Variants in MZT2B observed in about 807,000 individuals in gnomAD.
MZT2B encodes the protein mitotic spindle organizing protein 2B.
Under a neutral mutation model 12.1 loss-of-function variants are expected in MZT2B, and 11 were observed. That is an observed-to-expected ratio of 0.91 (90% CI 0.57 to 1.50). MZT2B has a LOEUF of 1.50. Ranked by LOEUF, MZT2B falls within the 40% of genes most tolerant of loss-of-function variation. The probability of loss-of-function intolerance (pLI) is 0.00; values close to 1 mark genes in which losing one functional copy is unlikely to be tolerated. For synonymous variants in MZT2B, 85 were observed against 109.5 expected, an observed-to-expected ratio of 0.78 and a Z score of 1.40; for missense variants, 209 against 227.7, an observed-to-expected ratio of 0.92 and a Z score of 0.53.
chr2:130,191,004 C>G (rs184787010), downstream of MZT2B, among the ~76,000 whole-genome samples: 14 of 152,244 alleles, frequency 9.2e-5, no homozygotes, highest in Non-Finnish European at 2.1e-4. Flanking sequence ...AGCTGGAGTG[C>G]AGTGGTGCGA....
Position 130,182,311 on chromosome 2 carries a change from C to G in MZT2B, c.29C>G (p.Pro10Arg). Residue 10 changes from proline to arginine, a missense_variant, in exon 1 of 3, where the codon CCG becomes CGG. Coordinates refer to ENST00000281871, the MANE Select transcript of MZT2B (RefSeq NM_025029.5). ...GCGGCGCAGGGCGTAGGGCCTGGGC[C>G]GGGGTCGGCGGCGCCCCCGGGGCTG... MAAQGVGPGPGSAAPPGLEA... is the reference protein window; with the variant it reads MAAQGVGPGRGSAAPPGLEA... The G allele has an allele frequency of 6.6e-7, 1 of 1,511,294 alleles. No individual in the cohort carries two copies. Among genetic ancestry groups the G allele is most frequent in the Non-Finnish European group, 8.8e-7 (1 of 1,136,546 alleles). 93.6% of individuals were successfully genotyped at this position (1,511,294 alleles called of 1,614,324 possible). A position where few individuals can be genotyped will look rare whatever the true frequency, so the allele number is the denominator to read the frequency against.
At chr2:130,186,087 C>G (rs112709881) in intron 2 of MZT2B, among the ~76,000 whole-genome samples, 1 of 151,970 alleles carries the variant, frequency 6.6e-6, no homozygotes, top group Non-Finnish European at 1.5e-5. Flanking sequence ...AGCATCTGAC[C>G]ACACAGAGCT....
At chr2:130,196,500 C>G in the MZT2B span, 3 of 1,324,616 alleles carry the variant, frequency 2.3e-6, no homozygotes, top group African/African-American at 3.0e-5. Context: ...TCGATATTTC[C>G]TAGGAGGGTT....
intron 2 of MZT2B, chr2:130,183,791 C>T: frequency 2.6e-6 from 4 of 1,550,684 alleles, no homozygotes; most frequent in Non-Finnish European, 3.5e-6. Context: ...CTCCAGAGGC[C>T]TCCTTTCTCT....
At chr2:130,185,287 G>A (rs575291216) in intron 2 of MZT2B, among the ~76,000 whole-genome samples, 1 of 149,750 alleles carries the variant, frequency 6.7e-6, no homozygotes, top group African/African-American at 2.5e-5. Flanking sequence ...CTCCAGCCTG[G>A]GGGACAGAGC....
At chr2:130,181,664 C>T (rs963716158), upstream of MZT2B, 5 of 1,550,654 alleles carry the variant, frequency 3.2e-6, no homozygotes, top group Non-Finnish European at 4.4e-6. Context: ...CTCTTTGGGC[C>T]GTTACCTCAA....
chr2:130,184,238 C>T (rs1689959462), intron 2 of MZT2B: 2 of 1,390,892 alleles, frequency 1.4e-6, no homozygotes, highest in African/African-American at 1.5e-5. Flanking sequence ...TGTAAAGAGC[C>T]CCTCTCCAAG....
intron 2 of MZT2B, among the ~76,000 whole-genome samples, chr2:130,186,146 G>T (rs1351252034): frequency 6.6e-6 from 1 of 151,916 alleles, no homozygotes. Flanking sequence ...CATAAGGGGG[G>T]TTGTTGGAGT....
the MZT2B span, chr2:130,196,064 G>A: frequency 3.1e-6 from 4 of 1,309,032 alleles, no homozygotes; most frequent in Non-Finnish European, 4.2e-6. Context: ...CTTTCAGCAG[G>A]AGGATTCAAA....
intron 2 of MZT2B, chr2:130,184,303 G>A (rs1317773507): frequency 7.1e-6 from 7 of 985,342 alleles, no homozygotes; most frequent in Non-Finnish European, 7.2e-6. Flanking sequence ...AGCCCCAGGC[G>A]TGACAAACAC....
downstream of MZT2B, among the ~76,000 whole-genome samples, chr2:130,193,512 G>C (rs1271779534): frequency 6.6e-6 from 1 of 151,000 alleles, no homozygotes; most frequent in Non-Finnish European, 1.5e-5. Flanking sequence ...GGGAGGGTGA[G>C]GCCAGAGAAT....
intron 2 of MZT2B, chr2:130,184,166 G>A: frequency 6.9e-7 from 1 of 1,456,550 alleles, no homozygotes. Flanking sequence ...AGACCCCACA[G>A]TCGGGCTGGC....
chr2:130,183,530 C>G (rs575051559), intron 2 of MZT2B: 2 of 611,254 alleles, frequency 3.3e-6, no homozygotes, highest in Non-Finnish European at 5.9e-6. Context: ...CTTCTGCTCC[C>G]GATGGCTCTC....
intron 2 of MZT2B, 22 bp from the exon 3 acceptor site, chr2:130,190,446 CA>C: frequency 6.2e-7 from 1 of 1,611,570 alleles, no homozygotes; most frequent in Non-Finnish European, 8.5e-7. Flanking sequence ...CATTCCTAAT[CA>C]TTGTGCTTTG....
intron 2 of MZT2B, chr2:130,184,503 G>A (rs1398975187): frequency 1.0e-6 from 1 of 985,294 alleles, no homozygotes. Flanking sequence ...GTGTCAGCAG[G>A]TGTGATCAGG....
downstream of MZT2B, chr2:130,192,029 C>A: frequency 6.2e-7 from 1 of 1,614,108 alleles, no homozygotes; most frequent in Non-Finnish European, 8.5e-7. Flanking sequence ...CCCAGGCCTC[C>A]GCAATGGCCG....
the MZT2B span, chr2:130,196,401 T>C: frequency 1.2e-6 from 2 of 1,600,768 alleles, no homozygotes; most frequent in South Asian, 2.2e-5. Context: ...TGTGAACCCA[T>C]TCATTTCAAG....
downstream of MZT2B, chr2:130,194,053 G>C: frequency 6.2e-7 from 1 of 1,614,190 alleles, no homozygotes; most frequent in Non-Finnish European, 8.5e-7. Flanking sequence ...AGTGGATGCG[G>C]GGGTACGGCA....
chr2:130,202,558 T>G, the MZT2B span: 1 of 959,358 alleles, frequency 1.0e-6, no homozygotes, highest in South Asian at 1.9e-5. Flanking sequence ...CTGTCCCTGC[T>G]GCAAGCAGGA....
Sources: allele counts gnomAD v4.1 joint callset (sites outside exome capture counted in the v4.1 genomes callset), GRCh38; gene constraint gnomAD v4.1.1; transcripts MANE v1.5; gene names NCBI Gene and HGNC (gene_info 2026-07-23, HGNC 2026-07-21).